PDZD2: variants seen among roughly 807,000 people sequenced by gnomAD.
PDZD2 encodes PDZ domain-containing protein 2.
A neutral mutation model predicts 220.7 loss-of-function variants in PDZD2; 90 were observed. The ratio of observed to expected loss-of-function variants is 0.41; its 90% confidence interval spans 0.34 to 0.49. The LOEUF (loss-of-function observed/expected upper bound fraction) is 0.49. Among genes scored for constraint, PDZD2 ranks in the 20% least tolerant of loss-of-function variants. The probability of loss-of-function intolerance (pLI) is 0.28; values close to 1 mark genes in which losing one functional copy is unlikely to be tolerated. For synonymous variants in PDZD2, 1,375 were observed against 1,450.5 expected, an observed-to-expected ratio of 0.95 and a Z score of 1.18; for missense variants, 3,174 against 3,608.5, an observed-to-expected ratio of 0.88 and a Z score of 3.08.
chr5:31,756,378 C>A (rs931627731), intron 1 of PDZD2, among the ~76,000 whole-genome samples: 3 of 152,196 alleles, frequency 2.0e-5, no homozygotes, highest in African/African-American at 4.8e-5. Flanking sequence ...ACATTCCCAG[C>A]ACTACCAATG....
At chr5:31,915,318 C>T (rs911400230) in intron 2 of PDZD2, among the ~76,000 whole-genome samples, 2 of 152,162 alleles carry the variant, frequency 1.3e-5, no homozygotes, top group Non-Finnish European at 2.9e-5. Flanking sequence ...CCTCGTGGCC[C>T]CCAGATTCTG....
chr5:31,920,295 AAAATAAAT>A (rs1019274998), intron 2 of PDZD2, among the ~76,000 whole-genome samples: 4 of 145,936 alleles, frequency 2.7e-5, no homozygotes, highest in African/African-American at 7.4e-5. Context: ...AAAATAAATA[AAAATAAAT>A]AAATAAATAA....
chr5:32,032,398 C>T (rs1465969982), intron 6 of PDZD2, among the ~76,000 whole-genome samples: 1 of 152,182 alleles, frequency 6.6e-6, no homozygotes, highest in Non-Finnish European at 1.5e-5. Flanking sequence ...GTGGCCACGT[C>T]GGTCACTTTC....
intron 6 of PDZD2, among the ~76,000 whole-genome samples, chr5:32,011,695 CA>C (rs1469880041): frequency 2.6e-5 from 4 of 152,126 alleles, no homozygotes; most frequent in African/African-American, 4.8e-5. Flanking sequence ...CATAGGTAAG[CA>C]CTGGAAAATC....
intron 2 of PDZD2, among the ~76,000 whole-genome samples, chr5:31,810,277 T>A (rs1315229820): frequency 6.6e-6 from 1 of 151,448 alleles, no homozygotes; most frequent in Admixed American, 6.6e-5. Context: ...TTTTTTTTTT[T>A]TTTGAGACGG....
At chr5:31,719,480 T>C (rs1748653762) in intron 1 of PDZD2, among the ~76,000 whole-genome samples, 1 of 152,224 alleles carries the variant, frequency 6.6e-6, no homozygotes, top group Non-Finnish European at 1.5e-5. Flanking sequence ...TTAAAGTTTC[T>C]GAGTGACAGC....
Position 32,089,844 on chromosome 5 carries a change from C to T in PDZD2, c.6396C>T (p.Leu2132=), listed in dbSNP as rs752395935. 3.1e-6 allele frequency: 5 copies of T among 1,613,464 alleles called. No individual in the cohort carries two copies. The East Asian group carries it at 6.7e-5, about 22-fold the overall frequency. ...GTCAGGAGAAGAGTGAAATCAGGCTCTATCGCCAGGTCGCAGAATCATCCA... is the reference window on the plus strand; with the variant it reads ...GTCAGGAGAAGAGTGAAATCAGGCTTTATCGCCAGGTCGCAGAATCATCCA... ...GNCQEKSEIR[L]YRQVAESSTS... Residue 2132 remains leucine, a synonymous_variant, in exon 20 of 25, where the codon CTC becomes CTT. Transcript: ENST00000438447.
chr5:31,960,528 C>T (rs1375914461), intron 2 of PDZD2, among the ~76,000 whole-genome samples: 1 of 152,166 alleles, frequency 6.6e-6, no homozygotes, highest in African/African-American at 2.4e-5. Flanking sequence ...GCTTTCTACT[C>T]CTCCATTTCC....
chr5:31,843,341 A>C (rs1202732901), intron 2 of PDZD2: 3 of 149,978 alleles, frequency 2.0e-5, no homozygotes, highest in Non-Finnish European at 3.0e-5. Flanking sequence ...ATTTCGGCTC[A>C]CTGCAACCTC....
chr5:31,842,259 A>C (rs1757355879), intron 2 of PDZD2, among the ~76,000 whole-genome samples: 1 of 152,188 alleles, frequency 6.6e-6, no homozygotes, highest in African/African-American at 2.4e-5. Flanking sequence ...GTCATTGTTA[A>C]TATAATGTTT....
At chr5:31,806,040 C>T (rs374597716) in intron 2 of PDZD2, among the ~76,000 whole-genome samples, 3 of 152,294 alleles carry the variant, frequency 2.0e-5, no homozygotes, top group East Asian at 1.9e-4. Flanking sequence ...CACAGTAAAT[C>T]CCTGTTGCTT....
chr5:31,750,636 C>T (rs533506471), intron 1 of PDZD2, among the ~76,000 whole-genome samples: 9 of 152,248 alleles, frequency 5.9e-5, no homozygotes, highest in South Asian at 4.1e-4. Flanking sequence ...GGTGCTGTGA[C>T]GGGCAGATCC....
At chr5:31,822,413 G>A (rs111718233) in intron 2 of PDZD2, 36,770 of 374,950 alleles carry the variant, frequency 0.098, 2,228 homozygotes, top group Middle Eastern at 0.14. Context: ...TAGGACTACA[G>A]GTGCACACCA....
At chr5:31,792,430 G>GT (rs1005815487) in intron 1 of PDZD2, among the ~76,000 whole-genome samples, 2 of 151,956 alleles carry the variant, frequency 1.3e-5, no homozygotes, top group African/African-American at 4.8e-5. Context: ...GTTTTGTTTT[G>GT]TTTTTTTAGA....
intron 1 of PDZD2, among the ~76,000 whole-genome samples, chr5:31,748,937 C>G (rs538313964): frequency 1.3e-5 from 2 of 152,288 alleles, no homozygotes; most frequent in African/African-American, 4.8e-5. Context: ...CTGCCTAGCA[C>G]TGGTCCTCCA....
At chr5:32,067,350 T>A (rs751147494) in intron 14 of PDZD2, among the ~76,000 whole-genome samples, 50 of 151,590 alleles carry the variant, frequency 3.3e-4, no homozygotes, top group Non-Finnish European at 6.7e-4. Flanking sequence ...ATGTTGAAAG[T>A]CTAGTATTAA....
At chr5:31,753,347 C>T (rs1751121572) in intron 1 of PDZD2, among the ~76,000 whole-genome samples, 1 of 152,134 alleles carries the variant, frequency 6.6e-6, no homozygotes, top group African/African-American at 2.4e-5. Context: ...AGCCTGTGCC[C>T]CATTCATTCA....
At chr5:31,974,437 A>G (rs1436902366) in intron 2 of PDZD2, among the ~76,000 whole-genome samples, 1 of 152,360 alleles carries the variant, frequency 6.6e-6, no homozygotes, top group African/African-American at 2.4e-5. Context: ...GGTATCAAGA[A>G]TAGAATGTCA....
chr5:31,896,254 G>T (rs539120318), intron 2 of PDZD2, among the ~76,000 whole-genome samples: 1 of 152,090 alleles, frequency 6.6e-6, no homozygotes, highest in African/African-American at 2.4e-5. Flanking sequence ...TTTCTTGGGG[G>T]TAACTGCTGG....
Sources: allele counts gnomAD v4.1 joint callset (sites outside exome capture counted in the v4.1 genomes callset), GRCh38; gene constraint gnomAD v4.1.1; transcripts MANE v1.5; gene names NCBI Gene and HGNC (gene_info 2026-07-23, HGNC 2026-07-21).